POLR3H: variants seen among roughly 807,000 people sequenced by gnomAD.
POLR3H encodes the protein DNA-directed RNA polymerase III subunit RPC8.
Under a neutral mutation model 25.5 loss-of-function variants are expected in POLR3H, and 17 were observed. That is an observed-to-expected ratio of 0.67 (90% confidence interval 0.46 to 1.00). POLR3H has a LOEUF of 1.00. Among genes scored for constraint, POLR3H ranks in the 50% least tolerant of loss-of-function variants. The pLI is 0.00. For missense variants in POLR3H, 274 were observed against 265.0 expected (o/e 1.03, Z -0.24); for synonymous variants, 129 against 103.0 (o/e 1.25, Z -1.53).
Position 41,526,126 on chromosome 22 carries a change from T to C in POLR3H, c.*3157A>G. On this transcript the variant is annotated 3_prime_UTR_variant, in exon 6 of 6. Transcript: ENST00000355209. ...AAGCACCAGGACCACAGAACACGTG[T>C]CTGAAGACTTGCCTGCCTCTCACCC... The C allele has an allele frequency of 1.4e-6, 1 of 708,538 alleles. No homozygotes were observed. The highest frequency in any genetic ancestry group is 2.4e-6 in the Non-Finnish European group (1 of 425,238). The allele number at this position is 708,538 out of a possible 1,614,324, so 43.9% of individuals were successfully genotyped here. A position where few individuals can be genotyped will look rare whatever the true frequency, so the allele number is the denominator to read the frequency against.
At position 41,528,091 on chromosome 22, in the gene POLR3H, G is replaced by A; in HGVS notation, c.*1192C>T. The A allele has an allele frequency of 6.2e-7, 1 of 1,600,938 alleles. No individual in the cohort carries two copies. Among genetic ancestry groups the A allele is most frequent in the Non-Finnish European group, 8.5e-7 (1 of 1,173,396 alleles). On this transcript the variant is annotated 3_prime_UTR_variant, in exon 6 of 6. Transcript: ENST00000355209. ...CCACCTTGTTTCCCCTCCTGCACTG[G>A]CCCCAGGGTAGCTTCTCCCAGGAGG... is the stretch of plus-strand genomic sequence containing the variant.
At chr22:41,534,624 G>A (rs892637123) in intron 2 of POLR3H, among the ~76,000 whole-genome samples, 1 of 152,138 alleles carries the variant, frequency 6.6e-6, no homozygotes, top group African/African-American at 2.4e-5. Flanking sequence ...GCGCACGGTG[G>A]CTCAAGTCTG....
chr22:41,540,801 T>C lies in POLR3H; in HGVS notation c.112-6A>G, dbSNP rs772552660. On this transcript the variant is annotated splice_polypyrimidine_tract_variant and splice_region_variant and intron_variant, in intron 1 of 5. Transcript: ENST00000355209. ...AGTCCCACGTTGTACACGACCTGCA[T>C]GCATACAAACACAGACACACAAGTA... 3 of 1,611,282 alleles carry C rather than the reference T, an allele frequency of 1.9e-6. No individual in the cohort carries two copies. The East Asian group carries it at 6.7e-5, about 36-fold the overall frequency.
In POLR3H at chr22:41,527,205, G is replaced by A; in HGVS notation, c.*2078C>T. 3 of 1,598,012 alleles carry A rather than the reference G, an allele frequency of 1.9e-6. No individual in the cohort carries two copies. Among genetic ancestry groups the A allele is most frequent in the Admixed American group, 3.4e-5 (2 of 59,372 alleles). The stretch of plus-strand genomic sequence containing the variant: ...GCCTCAGGATGCCCAGGCGCCAGGT[G>A]GGTGAGGCCAGGCAGGTAGGGCCAG... On this transcript the variant is annotated 3_prime_UTR_variant, in exon 6 of 6. Transcript: ENST00000355209.
In POLR3H at chr22:41,527,210, AGGCCAGGCAGGTAG is replaced by A; in HGVS notation, c.*2059_*2072del. 2.5e-6 allele frequency: 4 copies of A among 1,602,634 alleles called. No individual in the cohort carries two copies. The highest frequency in any genetic ancestry group is 3.4e-6 in the Non-Finnish European group (4 of 1,173,046). ...AGGATGCCCAGGCGCCAGGTGGGTG[AGGCCAGGCAGGTAG>A]GGCCAGACAGGTGAGGACGGTGCCC... On this transcript the variant is annotated 3_prime_UTR_variant, in exon 6 of 6. Transcript: ENST00000355209.
intron 1 of POLR3H, chr22:41,543,628 A>AAAAAC (rs529008269): frequency 4.2e-4 from 161 of 385,402 alleles, no homozygotes; most frequent in South Asian, 1.1e-3. Flanking sequence ...CTCAAAAACA[A>AAAAAC]AAAACAAAAC....
In POLR3H at chr22:41,528,683, C is replaced by T. The variant is rs942285984; in HGVS notation, c.*600G>A. The T allele has an allele frequency of 1.5e-5, 23 of 1,568,440 alleles. No individual in the cohort carries two copies. The highest frequency in any genetic ancestry group is 1.6e-5 in the Non-Finnish European group (18 of 1,159,682). ...ACGTGTGCCATCAGTGGATCCGATC[C>T]GTCCAGCCATGGCTTCCTATTCCAA... On this transcript the variant is annotated 3_prime_UTR_variant, in exon 6 of 6. Coordinates refer to ENST00000355209, the MANE Select transcript of POLR3H (RefSeq NM_001018050.4).
Position 41,528,702 on chromosome 22 carries a change from A to G in POLR3H, c.*581T>C, listed in dbSNP as rs2066658377. ...CCGATCCGTCCAGCCATGGCTTCCT[A>G]TTCCAAGATGGTGTGACCAGACATG... On this transcript the variant is annotated 3_prime_UTR_variant, in exon 6 of 6. Transcript: ENST00000355209. 11 of 1,520,194 alleles carry G rather than the reference A, an allele frequency of 7.2e-6. 1 individual carries two copies. In the South Asian group the frequency reaches 8.7e-5, roughly 12 times the overall value. The allele number at this position is 1,520,194 out of a possible 1,614,324, so 94.2% of individuals were successfully genotyped here. A position where few individuals can be genotyped will look rare whatever the true frequency, so the allele number is the denominator to read the frequency against.
At chr22:41,534,638 T>C (rs1224007064) in intron 2 of POLR3H, among the ~76,000 whole-genome samples, 1 of 152,068 alleles carries the variant, frequency 6.6e-6, no homozygotes, top group Non-Finnish European at 1.5e-5. Flanking sequence ...AAGTCTGTAA[T>C]CCCAGCACTT....
intron 2 of POLR3H, among the ~76,000 whole-genome samples, chr22:41,536,174 C>A (rs1243596293): frequency 1.3e-5 from 2 of 150,686 alleles, no homozygotes; most frequent in Non-Finnish European, 3.0e-5. Flanking sequence ...GGGCGGATCA[C>A]GAGGTCAGGA....
chr22:41,530,860 C>G lies in POLR3H; in HGVS notation c.388G>C (p.Glu130Gln). ...FDEAEQVWVW[E>Q]YETEEGAHDL... is the part of the protein sequence containing the mutation. ...TGTGCTCCTTCCTCCGTCTCGTACT[C>G]CCACACCCACACCTGCTCCGCTTCG... is the stretch of plus-strand genomic sequence containing the variant. Residue 130 changes from glutamate to glutamine, a missense_variant, in exon 5 of 6, where the codon GAG becomes CAG. Transcript: ENST00000355209. 6.2e-7 allele frequency: 1 copy of G among 1,613,950 alleles called. No individual in the cohort carries two copies. The highest frequency in any genetic ancestry group is 1.1e-5 in the South Asian group (1 of 91,092).
chr22:41,532,302 C>A, intron 3 of POLR3H, 145 bp from the exon 4 acceptor site: 1 of 803,100 alleles, frequency 1.2e-6, no homozygotes, highest in Non-Finnish European at 2.1e-6. Flanking sequence ...CCCTTCCCCA[C>A]CTAATGCCTC....
chr22:41,526,151 C>T lies in POLR3H; in HGVS notation c.*3132G>A, dbSNP rs1260273040. ...TCTGAAGACTTGCCTGCCTCTCACC[C>T]CTCTGTCACCCCTCCTGGGCCCCGG... On this transcript the variant is annotated 3_prime_UTR_variant, in exon 6 of 6. Coordinates refer to ENST00000355209, the MANE Select transcript of POLR3H (RefSeq NM_001018050.4). 1 of 927,858 alleles carries T rather than the reference C, an allele frequency of 1.1e-6. No individual in the cohort carries two copies. The highest frequency in any genetic ancestry group is 1.6e-6 in the Non-Finnish European group (1 of 608,178). 57.5% of individuals were successfully genotyped at this position (927,858 alleles called of 1,614,324 possible).
chr22:41,529,603 C>T (rs1012007892), intron 5 of POLR3H: 1 of 704,584 alleles, frequency 1.4e-6, no homozygotes, highest in Non-Finnish European at 2.6e-6. Context: ...CCAGGGCCAC[C>T]TAGGTTCTAA....
intron 4 of POLR3H, 119 bp from the exon 5 acceptor site, chr22:41,531,007 C>A: frequency 2.0e-6 from 2 of 995,186 alleles, no homozygotes; most frequent in Non-Finnish European, 3.0e-6. Flanking sequence ...GCTGGGAAGT[C>A]ACAGGAAAAG....
Position 41,530,790 on chromosome 22 carries a change from A to T in POLR3H, c.458T>A (p.Val153Glu). Residue 153 changes from valine to glutamate, a missense_variant, in exon 5 of 6, where the codon GTG (valine) becomes GAG (glutamate). Val to Glu is a moderately radical substitution (Grantham distance 121). Transcript: ENST00000355209. The part of the protein sequence containing the change: ...DTGEEIRFRV[V>E]DESFVDTSPT... ...GGACGTGTCAACAAAGCTCTCGTCC[A>T]CCACCCGGAAGCGGATCTCCTCGCC... 1 of 1,614,054 alleles carries T rather than the reference A, an allele frequency of 6.2e-7. No individual in the cohort carries two copies. Among genetic ancestry groups the T allele is most frequent in the Non-Finnish European group, 8.5e-7 (1 of 1,180,040 alleles).
At chr22:41,536,025 C>T (rs1308029764) in intron 2 of POLR3H, among the ~76,000 whole-genome samples, 1 of 149,644 alleles carries the variant, frequency 6.7e-6, no homozygotes, top group Middle Eastern at 3.5e-3. Flanking sequence ...CTCCTGACCT[C>T]GTGATCCGCC....
intron 5 of POLR3H, 53 bp from the exon 6 acceptor site, chr22:41,529,389 C>T: frequency 1.3e-6 from 2 of 1,558,078 alleles, no homozygotes; most frequent in Non-Finnish European, 8.8e-7. Context: ...CTTGAACCAA[C>T]CTGGACAGGA....
At chr22:41,531,937 A>G (rs1309951074) in intron 4 of POLR3H, among the ~76,000 whole-genome samples, 157 bp downstream of exon 4, 1 of 152,198 alleles carries the variant, frequency 6.6e-6, no homozygotes, top group Non-Finnish European at 1.5e-5. Flanking sequence ...AGGCACAGAC[A>G]GGCTGGTGCC....
Sources: allele counts gnomAD v4.1 joint callset (sites outside exome capture counted in the v4.1 genomes callset), GRCh38; gene constraint gnomAD v4.1.1; transcripts MANE v1.5; gene names NCBI Gene and HGNC (gene_info 2026-07-23, HGNC 2026-07-21).